SLCO1B3: variants seen among roughly 807,000 people sequenced by gnomAD.
SLCO1B3 encodes solute carrier organic anion transporter family member 1B3, also known as liver-specific organic anion transporter 2.
SLCO1B3 carries 72 observed loss-of-function variants against 71.8 expected under a neutral mutation model. That is an observed-to-expected ratio of 1.00 (90% CI 0.83 to 1.22). The LOEUF (loss-of-function observed/expected upper bound fraction) is 1.22. SLCO1B3 is among the 50% of genes most tolerant of loss of function. The pLI, the probability that SLCO1B3 is intolerant of heterozygous loss-of-function variation, is 0.00. For missense variants in SLCO1B3, 911 were observed against 819.7 expected, an observed-to-expected ratio of 1.11 and a Z score of -1.36; for synonymous variants, 298 against 278.4, an observed-to-expected ratio of 1.07 and a Z score of -0.70.
chr12:20,852,851 T>A (rs548826087), intron 3 of SLCO1B3, among the ~76,000 whole-genome samples: 1 of 152,262 alleles, frequency 6.6e-6, no homozygotes, highest in East Asian at 1.9e-4. Context: ...ACATATAAGA[T>A]GATGTCATCT....
At chr12:20,889,915 AT>A (rs36117594) in intron 13 of SLCO1B3, among the ~76,000 whole-genome samples, 79,796 of 145,012 alleles carry the variant, frequency 0.55, 22,673 homozygotes, top group South Asian at 0.76. Context: ...CATTTTCTTA[AT>A]TTTTTTTTTT....
chr12:20,842,770 A>C lies in SLCO1B3; in HGVS notation c.85-12258A>C, dbSNP rs115230636. Among the ~76,000 whole-genome samples, 979 of 152,284 alleles carry C rather than the reference A, an allele frequency of 6.4e-3. 6 individuals carry two copies. The highest frequency in any genetic ancestry group is 0.021 in the African/African-American group (891 of 41,566). Reference sequence around the variant, plus strand: ...TTATACTTTTTGAATTGATATATTTATCTCTCTTACAACAAGGCAAATACT... The same window carrying C: ...TTATACTTTTTGAATTGATATATTTCTCTCTCTTACAACAAGGCAAATACT... On this transcript the variant is annotated intron_variant, in intron 3 of 15. Coordinates refer to ENST00000381545, the MANE Select transcript of SLCO1B3 (RefSeq NM_019844.4).
chr12:20,862,572 T>C lies in SLCO1B3; in HGVS notation c.628+14T>C, dbSNP rs1865289906. 1 of 1,579,026 alleles carries C rather than the reference T, an allele frequency of 6.3e-7. No individual in the cohort carries two copies. Among genetic ancestry groups the C allele is most frequent in the Non-Finnish European group, 8.6e-7 (1 of 1,160,516 alleles). ...CCTTGTATTTAGGTAACGTACAGAA[T>C]ATATTAAATTTCATGATTACATTCC... On this transcript the variant is annotated intron_variant, in intron 7 of 15. Transcript: ENST00000381545.
intron 13 of SLCO1B3, among the ~76,000 whole-genome samples, chr12:20,886,116 A>G (rs1026091179): frequency 6.6e-6 from 1 of 152,092 alleles, no homozygotes. Flanking sequence ...GACAAAGATA[A>G]TTTAAGGATG....
chr12:20,850,486 A>G (rs11045559), intron 3 of SLCO1B3, among the ~76,000 whole-genome samples: 109,843 of 151,594 alleles, frequency 0.72, 42,369 homozygotes, highest in South Asian at 0.9. Context: ...GTTTCACCGC[A>G]TTAGCCAGGA....
intron 15 of SLCO1B3, among the ~76,000 whole-genome samples, chr12:20,906,582 C>T (rs1318831331): frequency 6.6e-6 from 1 of 151,960 alleles, no homozygotes; most frequent in Non-Finnish European, 1.5e-5. Flanking sequence ...AACTGTGTAC[C>T]TGTTGGGCAG....
intron 3 of SLCO1B3, among the ~76,000 whole-genome samples, chr12:20,834,929 A>G (rs1864643931): frequency 6.6e-6 from 1 of 152,014 alleles, no homozygotes; most frequent in African/African-American, 2.4e-5. Flanking sequence ...CCATACTGAA[A>G]TTTCTCCATG....
chr12:20,832,588 C>T (rs187206212), intron 3 of SLCO1B3, among the ~76,000 whole-genome samples: 147 of 152,290 alleles, frequency 9.7e-4, no homozygotes, highest in Non-Finnish European at 6.8e-4. Context: ...TATGTAACTG[C>T]CACCAAGATC....
rs538452274 is a variant in SLCO1B3 at position 20,916,213 on chromosome 12, A to G, written c.2075A>G (p.Asn692Ser). 1.9e-6 allele frequency: 3 copies of G among 1,613,052 alleles called. 1 individual carries two copies. The highest frequency in any genetic ancestry group is 1.3e-5 in the African/African-American group (1 of 75,032). The change falls in exon 16 of 16, where the codon AAT becomes AGT. Residue 692 changes from asparagine (N) to serine (S), a missense_variant. Physicochemically the swap from Asn to Ser is conservative, Grantham distance 46 (BLOSUM62 1). Coordinates refer to ENST00000381545, the MANE Select transcript of SLCO1B3 (RefSeq NM_019844.4). ...PSAGTDSKTC[N>S]LDMQDNAAAN is the part of the protein sequence containing the mutation. Reference sequence around the variant, plus strand: ...GCTGGAACAGATAGTAAAACATGTAATTTGGACATGCAAGACAATGCTGCT... The same window carrying G: ...GCTGGAACAGATAGTAAAACATGTAGTTTGGACATGCAAGACAATGCTGCT...
At chr12:20,814,963 T>C (rs540650500) in intron 2 of SLCO1B3, among the ~76,000 whole-genome samples, 1 of 114,882 alleles carries the variant, frequency 8.7e-6, no homozygotes, top group Non-Finnish European at 1.8e-5. Context: ...AGCAGAATCT[T>C]GCCTTTTCTT....
chr12:20,832,519 G>T (rs944610297), intron 3 of SLCO1B3, among the ~76,000 whole-genome samples: 3 of 151,382 alleles, frequency 2.0e-5, no homozygotes, highest in African/African-American at 7.3e-5. Flanking sequence ...TAGAGCAAAA[G>T]AAAAAGTCTC....
At chr12:20,857,081 C>T (rs1436663452) in intron 4 of SLCO1B3, among the ~76,000 whole-genome samples, 1 of 151,984 alleles carries the variant, frequency 6.6e-6, no homozygotes, top group Non-Finnish European at 1.5e-5. Context: ...TTAAAATTTC[C>T]AAATCCCTTT....
At chr12:20,872,984 G>A (rs1368375632) in intron 8 of SLCO1B3, among the ~76,000 whole-genome samples, 3 of 151,986 alleles carry the variant, frequency 2.0e-5, no homozygotes, top group Non-Finnish European at 4.4e-5. Context: ...GAGTATGCAG[G>A]GTCTTATCAG....
chr12:20,853,591 T>C (rs909722119), intron 3 of SLCO1B3, among the ~76,000 whole-genome samples: 3 of 152,044 alleles, frequency 2.0e-5, no homozygotes, highest in Non-Finnish European at 4.4e-5. Flanking sequence ...CTCTTTCAGT[T>C]CTAATTTTAG....
chr12:20,870,047 C>A (rs184082010), intron 8 of SLCO1B3, among the ~76,000 whole-genome samples: 3 of 152,112 alleles, frequency 2.0e-5, no homozygotes, highest in African/African-American at 4.8e-5. Context: ...TATGGTGATA[C>A]GTAATTGTGC....
chr12:20,822,885 T>A (rs569692342), intron 3 of SLCO1B3, among the ~76,000 whole-genome samples: 10 of 152,328 alleles, frequency 6.6e-5, no homozygotes, highest in African/African-American at 2.4e-4. Context: ...GTTTTTATTT[T>A]CCTTTCATAC....
At chr12:20,818,799 G>A (rs556091044) in intron 3 of SLCO1B3, among the ~76,000 whole-genome samples, 11 of 152,326 alleles carry the variant, frequency 7.2e-5, no homozygotes, top group East Asian at 1.9e-4. Context: ...AAACAGGGAC[G>A]AAGGAAATGT....
At chr12:20,835,797 A>C (rs560229344) in intron 3 of SLCO1B3, among the ~76,000 whole-genome samples, 1 of 152,078 alleles carries the variant, frequency 6.6e-6, no homozygotes, top group East Asian at 1.9e-4. Context: ...AGTCCTCCAA[A>C]CTGTTCCAAC....
Position 20,861,013 on chromosome 12 carries a change from A to G in SLCO1B3, c.360-4A>G. 6.4e-7 allele frequency: 1 copy of G among 1,563,610 alleles called. No individual in the cohort carries two copies. Among genetic ancestry groups the G allele is most frequent in the Non-Finnish European group, 8.7e-7 (1 of 1,151,044 alleles). On this transcript the variant is annotated splice_polypyrimidine_tract_variant and splice_region_variant and intron_variant, in intron 5 of 15. Transcript: ENST00000381545. ...AAATGTTCAATTTCATGTTGCTCTT[A>G]CAGTTATAGGTATTCTAAAGAAACC...
Sources: allele counts gnomAD v4.1 joint callset (sites outside exome capture counted in the v4.1 genomes callset), GRCh38; gene constraint gnomAD v4.1.1; transcripts MANE v1.5; gene names NCBI Gene and HGNC (gene_info 2026-07-23, HGNC 2026-07-21).